The following SPAG16 variants were observed in gnomAD, a reference collection of about 807,000 sequenced individuals.
SPAG16 encodes sperm-associated antigen 16 protein.
A neutral mutation model predicts 80.4 loss-of-function variants in SPAG16; 86 were observed. The ratio of observed to expected loss-of-function variants is 1.07; its 90% confidence interval spans 0.90 to 1.28. The LOEUF is 1.28. SPAG16 is among the 50% of genes most tolerant of loss of function. SPAG16 has a pLI of 0.00. For synonymous variants in SPAG16, 294 were observed against 265.9 expected, an observed-to-expected ratio of 1.11 and a Z score of -1.03; for missense variants, 870 against 765.3, an observed-to-expected ratio of 1.14 and a Z score of -1.61.
At chr2:213,337,751 G>C (rs1325730942) in intron 5 of SPAG16, among the ~76,000 whole-genome samples, 2 of 152,084 alleles carry the variant, frequency 1.3e-5, no homozygotes, top group Admixed American at 1.3e-4. Context: ...ATGACTGATA[G>C]GAGTATCTGA....
At chr2:213,972,224 C>T (rs930206101) in intron 12 of SPAG16, among the ~76,000 whole-genome samples, 7 of 150,856 alleles carry the variant, frequency 4.6e-5, no homozygotes, top group African/African-American at 1.7e-4. Flanking sequence ...CTATTCAAGT[C>T]TGTATTCATC....
intron 10 of SPAG16, among the ~76,000 whole-genome samples, chr2:213,834,947 T>C (rs1191922192): frequency 6.6e-6 from 1 of 152,170 alleles, no homozygotes; most frequent in Non-Finnish European, 1.5e-5. Context: ...CCAGATTCTT[T>C]CGGTCCTAGG....
intron 10 of SPAG16, among the ~76,000 whole-genome samples, chr2:213,490,489 T>C (rs527725215): frequency 6.6e-6 from 1 of 152,300 alleles, no homozygotes; most frequent in Non-Finnish European, 1.5e-5. Flanking sequence ...AGGACTGTAA[T>C]TTTGTGAACT....
intron 9 of SPAG16, among the ~76,000 whole-genome samples, chr2:213,418,262 C>A (rs963899605): frequency 2.0e-5 from 3 of 152,038 alleles, no homozygotes; most frequent in Admixed American, 6.5e-5. Flanking sequence ...TCTACACACA[C>A]ACACATATAT....
intron 9 of SPAG16, among the ~76,000 whole-genome samples, chr2:213,428,322 C>G (rs1186845027): frequency 2.0e-5 from 3 of 152,118 alleles, no homozygotes; most frequent in Non-Finnish European, 4.4e-5. Context: ...CTTGCCCTTC[C>G]CAAGCCCTGA....
chr2:213,675,014 G>C (rs1480500007), intron 10 of SPAG16, among the ~76,000 whole-genome samples: 1 of 149,832 alleles, frequency 6.7e-6, no homozygotes, highest in Non-Finnish European at 1.5e-5. Context: ...GTGTAAAAGT[G>C]TTCCTATTTC....
chr2:213,882,144 A>T (rs1450366001), intron 11 of SPAG16, among the ~76,000 whole-genome samples: 19 of 152,138 alleles, frequency 1.2e-4, no homozygotes. Context: ...ATTGATTTGC[A>T]CATGTTGAAT....
chr2:214,355,435 C>A (rs1207641710), intron 15 of SPAG16, among the ~76,000 whole-genome samples: 1 of 145,402 alleles, frequency 6.9e-6, no homozygotes, highest in Non-Finnish European at 1.5e-5. Flanking sequence ...TTCACCATCA[C>A]TGGCCATCAG....
intron 13 of SPAG16, among the ~76,000 whole-genome samples, chr2:214,067,351 G>A (rs768998156): frequency 6.6e-6 from 1 of 152,064 alleles, no homozygotes; most frequent in Non-Finnish European, 1.5e-5. Context: ...ATCAAACATT[G>A]TGTAGCACAC....
chr2:213,703,572 C>T (rs561812403), intron 10 of SPAG16, among the ~76,000 whole-genome samples: 4 of 152,254 alleles, frequency 2.6e-5, no homozygotes, highest in Admixed American at 2.0e-4. Context: ...AGGAATCAAA[C>T]GGCTCTTACC....
At chr2:214,277,737 G>A (rs1692579421) in intron 15 of SPAG16, among the ~76,000 whole-genome samples, 1 of 152,226 alleles carries the variant, frequency 6.6e-6, no homozygotes, top group Admixed American at 6.5e-5. Context: ...ACTGGGAGAT[G>A]TCTCCCAGTT....
intron 10 of SPAG16, among the ~76,000 whole-genome samples, chr2:213,517,741 G>A (rs146636828): frequency 7.2e-5 from 11 of 152,192 alleles, no homozygotes; most frequent in East Asian, 1.9e-4. Flanking sequence ...TGGGACAATC[G>A]GCCCGTTATA....
intron 10 of SPAG16, among the ~76,000 whole-genome samples, chr2:213,602,797 G>A (rs2061115516): frequency 6.6e-6 from 1 of 151,888 alleles, no homozygotes; most frequent in African/African-American, 2.4e-5. Flanking sequence ...TTTATATATT[G>A]AACTCTTTAT....
intron 10 of SPAG16, among the ~76,000 whole-genome samples, chr2:213,581,815 C>G (rs935520221): frequency 6.6e-6 from 1 of 152,050 alleles, no homozygotes; most frequent in Non-Finnish European, 1.5e-5. Context: ...GAAGCATGGC[C>G]CAAACAGAGA....
intron 10 of SPAG16, among the ~76,000 whole-genome samples, chr2:213,714,587 G>T (rs2066148998): frequency 6.6e-6 from 1 of 152,100 alleles, no homozygotes; most frequent in Non-Finnish European, 1.5e-5. Context: ...TTTAAAGTCA[G>T]CCAAATTTTT....
chr2:213,782,718 G>A (rs534622352), intron 10 of SPAG16, among the ~76,000 whole-genome samples: 1 of 152,308 alleles, frequency 6.6e-6, no homozygotes, highest in Non-Finnish European at 1.5e-5. Context: ...ACTGATAAAA[G>A]TATGAGAGGG....
At chr2:213,399,995 T>C (rs1263409236) in intron 9 of SPAG16, among the ~76,000 whole-genome samples, 2 of 152,044 alleles carry the variant, frequency 1.3e-5, no homozygotes. Flanking sequence ...TCTCTTTAAT[T>C]TGTGAATTCT....
chr2:213,912,189 A>G (rs1336268229), intron 11 of SPAG16, among the ~76,000 whole-genome samples: 4 of 152,148 alleles, frequency 2.6e-5, no homozygotes, highest in African/African-American at 9.7e-5. Flanking sequence ...TTTGGGCGTC[A>G]GTTAATGTAC....
rs1308723940 is a variant in SPAG16, at chr2:214,171,857, T to C, written c.1720+22591T>C. On this transcript the variant is annotated intron_variant, in intron 15 of 15. Coordinates refer to ENST00000331683, the MANE Select transcript of SPAG16 (RefSeq NM_024532.5). Reference sequence around the variant, plus strand: ...AAGTGAAAAGTTATTAATGTTTTTTTCTTTTTAAAATACATTTTATTGTGT... The same window carrying C: ...AAGTGAAAAGTTATTAATGTTTTTTCCTTTTTAAAATACATTTTATTGTGT... Among the ~76,000 whole-genome samples the C allele has an allele frequency of 2.0e-5, 3 of 152,094 alleles. No individual in the cohort carries two copies. The South Asian group carries it at 6.2e-4, about 32-fold the overall frequency.
Sources: allele counts gnomAD v4.1 joint callset (sites outside exome capture counted in the v4.1 genomes callset), GRCh38; gene constraint gnomAD v4.1.1; transcripts MANE v1.5; gene names NCBI Gene and HGNC (gene_info 2026-07-23, HGNC 2026-07-21).